The following PCDHGB3 variants were observed in gnomAD, a reference collection of about 807,000 sequenced individuals.
PCDHGB3 encodes protocadherin gamma-B3.
In PCDHGB3, 40 loss-of-function variants were observed where a neutral mutation model predicts 59.2. That is an observed-to-expected ratio of 0.68 (90% confidence interval 0.52 to 0.88). The LOEUF (loss-of-function observed/expected upper bound fraction) is 0.88, where lower values mean the gene tolerates loss of function less well. Ranked by LOEUF, PCDHGB3 falls within the 40% of genes least tolerant of loss-of-function variation. The probability of loss-of-function intolerance (pLI) is 0.00; values close to 1 mark genes in which losing one functional copy is unlikely to be tolerated. For synonymous variants in PCDHGB3, 581 were observed against 503.6 expected (o/e 1.15, Z -2.06); for missense variants, 1,309 against 1,187.9 (o/e 1.10, Z -1.50).
chr5:141,418,123 C>A (rs1049456676), intron 1 of PCDHGB3: 8 of 1,613,914 alleles, frequency 5.0e-6, no homozygotes, highest in Admixed American at 3.3e-5. Flanking sequence ...TTGTGAAGGA[C>A]CGAATAGACC....
At chr5:141,387,816 C>T (rs1376270603) in intron 1 of PCDHGB3, 3 of 1,539,164 alleles carry the variant, frequency 1.9e-6, no homozygotes, top group African/African-American at 1.4e-5. Flanking sequence ...ATCCAAAAAT[C>T]TGCAATACAG....
Position 141,486,632 on chromosome 5 carries a change from A to G in PCDHGB3, c.2416-8175A>G, listed in dbSNP as rs1304397413. The G allele has an allele frequency of 6.2e-7, 1 of 1,613,580 alleles. No individual in the cohort carries two copies. Among genetic ancestry groups the G allele is most frequent in the Non-Finnish European group, 8.5e-7 (1 of 1,180,040 alleles). ...AGCCTCTGACCCAGACTCTGGCTTG[A>G]ATGCGCTTATCTCCTACTCACTCCT... On this transcript the variant is annotated intron_variant, in intron 1 of 3. Coordinates refer to ENST00000576222, the MANE Select transcript of PCDHGB3 (RefSeq NM_018924.5). This position sits in a 1 kb window ranked among gnomAD's most constrained non-coding sequence, Gnocchi z 5.0.
At chr5:141,496,888 T>TAA (rs35063790) in intron 2 of PCDHGB3, among the ~76,000 whole-genome samples, 141 of 134,106 alleles carry the variant, frequency 1.1e-3, no homozygotes, top group East Asian at 2.4e-3. Context: ...AAGTAACACT[T>TAA]AAAAAAAAAA....
chr5:141,487,196 G>A lies in PCDHGB3; in HGVS notation c.2416-7611G>A. On this transcript the variant is annotated intron_variant, in intron 1 of 3. Coordinates refer to ENST00000576222, the MANE Select transcript of PCDHGB3 (RefSeq NM_018924.5). This position sits in a 1 kb window ranked among gnomAD's most constrained non-coding sequence, Gnocchi z 5.0. Reference sequence around the variant, plus strand: ...GGAAGACACTCATCCAGTTGTCCCAGATCTTCGAGAATCTTCAGCTCCAAG... The same window carrying A: ...GGAAGACACTCATCCAGTTGTCCCAAATCTTCGAGAATCTTCAGCTCCAAG... The A allele has an allele frequency of 1.2e-6, 2 of 1,613,878 alleles. No homozygotes were observed. The highest frequency in any genetic ancestry group is 8.5e-7 in the Non-Finnish European group (1 of 1,179,796).
At chr5:141,388,387 A>G (rs746929136) in intron 1 of PCDHGB3, 5 of 1,614,034 alleles carry the variant, frequency 3.1e-6, no homozygotes, top group South Asian at 2.2e-5. Flanking sequence ...AACACACTGC[A>G]GAATTACCAA....
In PCDHGB3 at chr5:141,431,414, G is replaced by A. The variant is rs1184197093; in HGVS notation, c.2415+58605G>A. On this transcript the variant is annotated intron_variant, in intron 1 of 3. Coordinates refer to ENST00000576222, the MANE Select transcript of PCDHGB3 (RefSeq NM_018924.5). The surrounding 1 kb of genome is among the most constrained non-coding windows in gnomAD (Gnocchi z 4.8). ...GGTCCTTACGGCCTCCGACGGGGGC[G>A]ACCCGGTGCGCACAGGCACCGCGCG... The A allele has an allele frequency of 6.2e-7, 1 of 1,613,658 alleles. No homozygotes were observed. The highest frequency in any genetic ancestry group is 1.7e-5 in the Admixed American group (1 of 60,026).
chr5:141,390,538 C>CA, intron 1 of PCDHGB3: 3 of 518,310 alleles, frequency 5.8e-6, no homozygotes, highest in Non-Finnish European at 1.0e-5. Flanking sequence ...GTTTTAACCA[C>CA]AAAGTGAAAG....
intron 1 of PCDHGB3, chr5:141,394,634 C>T (rs764703837): frequency 2.5e-6 from 4 of 1,613,328 alleles, no homozygotes; most frequent in Non-Finnish European, 1.7e-6. Flanking sequence ...TGTCCTACCG[C>T]CTGCTCAAGG....
intron 1 of PCDHGB3, chr5:141,421,919 TG>T: frequency 6.2e-7 from 1 of 1,613,642 alleles, no homozygotes; most frequent in Non-Finnish European, 8.5e-7. Flanking sequence ...CCCATTCGTG[TG>T]GTGGTCCTCG....
chr5:141,428,188 G>A (rs1023078587), intron 1 of PCDHGB3: 3 of 1,433,350 alleles, frequency 2.1e-6, no homozygotes, highest in Admixed American at 1.8e-5. Flanking sequence ...GACAGCCGCC[G>A]CTCTCTGCGC....
In PCDHGB3 at chr5:141,510,915, A is replaced by G; in HGVS notation, c.2564-32A>G. 8 of 1,613,786 alleles carry G rather than the reference A, an allele frequency of 5.0e-6. No individual in the cohort carries two copies. The South Asian group carries it at 8.8e-5, about 18-fold the overall frequency. ...AGTGACTGTTGAGGACCCTAAGTTT[A>G]GCTCCCACCTGATCTTCCTCTGTCT... On this transcript the variant is annotated intron_variant, in intron 3 of 3. Coordinates refer to ENST00000576222, the MANE Select transcript of PCDHGB3 (RefSeq NM_018924.5).
intron 1 of PCDHGB3, among the ~76,000 whole-genome samples, chr5:141,438,296 A>G (rs902991313): frequency 6.6e-6 from 1 of 152,034 alleles, no homozygotes; most frequent in Non-Finnish European, 1.5e-5. Context: ...CTGTATGTAA[A>G]AGAAGTTGGT....
At chr5:141,390,407 G>A in intron 1 of PCDHGB3, 1 of 1,265,446 alleles carries the variant, frequency 7.9e-7, no homozygotes, top group Non-Finnish European at 1.1e-6. Flanking sequence ...TAGGAAAGTT[G>A]TAGTCAGTTA....
chr5:141,500,444 C>T (rs1032064705), intron 2 of PCDHGB3, among the ~76,000 whole-genome samples: 3 of 151,370 alleles, frequency 2.0e-5, no homozygotes, highest in African/African-American at 4.9e-5. Context: ...CTCCTGACCT[C>T]GTGATCCGCC....
At chr5:141,393,154 G>GA in intron 1 of PCDHGB3, 1 of 1,613,294 alleles carries the variant, frequency 6.2e-7, no homozygotes, top group Non-Finnish European at 8.5e-7. Flanking sequence ...GAGGATAAAG[G>GA]AAAACTCTTT....
chr5:141,496,077 C>G (rs1269618753), intron 2 of PCDHGB3, among the ~76,000 whole-genome samples: 1 of 152,042 alleles, frequency 6.6e-6, no homozygotes, highest in African/African-American at 2.4e-5. Flanking sequence ...CACACACAAC[C>G]CCCCACCCAC....
chr5:141,408,673 C>T (rs1397679515), intron 1 of PCDHGB3: 3 of 1,613,854 alleles, frequency 1.9e-6, no homozygotes, highest in Non-Finnish European at 2.5e-6. Flanking sequence ...TTGACCCTGC[C>T]ACGGATCCTG....
At chr5:141,419,137 C>T (rs764281503) in intron 1 of PCDHGB3, 1 of 1,613,892 alleles carries the variant, frequency 6.2e-7, no homozygotes, top group Non-Finnish European at 8.5e-7. Flanking sequence ...CAGCCACAGA[C>T]AGGGGCAAGC....
At chr5:141,509,275 G>A (rs185255724) in intron 3 of PCDHGB3, among the ~76,000 whole-genome samples, 1 of 152,096 alleles carries the variant, frequency 6.6e-6, no homozygotes, top group East Asian at 1.9e-4. Flanking sequence ...CTCGCTACCC[G>A]CTCCCAGGGT....
Sources: allele counts gnomAD v4.1 joint callset (sites outside exome capture counted in the v4.1 genomes callset), GRCh38; gene constraint gnomAD v4.1.1; non-coding constraint Gnocchi (gnomAD v3.1); transcripts MANE v1.5; gene names NCBI Gene and HGNC (gene_info 2026-07-23, HGNC 2026-07-21).